Variants in BCOR observed in about 807,000 individuals in gnomAD.
BCOR encodes the protein BCL-6 corepressor.
BCOR carries 10 observed loss-of-function variants against 86.7 expected under a neutral mutation model. The observed-to-expected ratio is 0.12, with a 90% CI of 0.07 to 0.20. The LOEUF is 0.20. BCOR is among the 10% of genes least tolerant of loss of function. The probability of loss-of-function intolerance (pLI) is 1.00; values close to 1 mark genes in which losing one functional copy is unlikely to be tolerated. For missense variants in BCOR, 1,259 were observed against 1,452.1 expected (o/e 0.87, Z 2.16); for synonymous variants, 611 against 609.0 (o/e 1.00, Z -0.05).
At chrX:40,106,236 C>G (rs1006035213) in intron 1 of BCOR, among the ~76,000 whole-genome samples, 2 of 111,299 alleles carry the variant, frequency 1.8e-5, no homozygotes, top group Non-Finnish European at 3.8e-5. Flanking sequence ...GCCCAGGGCC[C>G]GGCCCGGGAA....
rs369829620 is a variant in BCOR, at chrX:40,071,322, C to T, written c.3052-163G>A. 6.2e-5 allele frequency among the ~76,000 whole-genome samples: 7 copies of T among 112,159 alleles called. No individual in the cohort carries two copies. The East Asian group carries it at 1.6e-3, about 26-fold the overall frequency. ...ATATTTTAAAGTTTAACAGATAAAA[C>T]TTAAGAGTATCTATATATAAGTAGT... is the stretch of plus-strand genomic sequence containing the variant. On this transcript the variant is annotated intron_variant, in intron 5 of 14. Transcript: ENST00000378444.
rs376728674 is a variant in BCOR, at chrX:40,072,939, G to A, written c.2407C>T (p.Leu803Phe). 8.3e-7 allele frequency: 1 copy of A among 1,209,842 alleles called. No homozygotes were observed. The highest frequency in any genetic ancestry group is 1.8e-5 in the African/African-American group (1 of 57,119). ...TCTCGGAGAAGGTCTACGTAGACAAGCTTGTCGCTTTTGACAACAGTCTTC... is the reference window on the plus strand; with the variant it reads ...TCTCGGAGAAGGTCTACGTAGACAAACTTGTCGCTTTTGACAACAGTCTTC... ...QGKTVVKSDKLVYVDLLREEP... is the reference protein window; with the variant it reads ...QGKTVVKSDKFVYVDLLREEP... Residue 803 changes from leucine (L) to phenylalanine (F), a missense_variant, in exon 4 of 15, where the codon CTT (leucine) becomes TTT (phenylalanine). Around this residue, in one of 7 missense-constraint regions of BCOR, gnomAD observed 534 missense variants for 594.8 expected, o/e 0.90. Coordinates refer to ENST00000378444, the MANE Select transcript of BCOR (RefSeq NM_001123385.2).
At chrX:40,056,127 C>A (rs1934580151) in intron 11 of BCOR, among the ~76,000 whole-genome samples, 1 of 109,786 alleles carries the variant, frequency 9.1e-6, no homozygotes, top group South Asian at 3.9e-4. Flanking sequence ...GCTGCAAACC[C>A]TATCTTAATC....
chrX:40,176,094 G>A (rs1218183517), intron 1 of BCOR, among the ~76,000 whole-genome samples: 1 of 112,790 alleles, frequency 8.9e-6, no homozygotes, highest in African/African-American at 3.2e-5. Flanking sequence ...AGTAGCGCAC[G>A]CCACTTTGGG....
chrX:40,101,390 G>T (rs999940707), upstream of BCOR, among the ~76,000 whole-genome samples: 9 of 112,660 alleles, frequency 8.0e-5, no homozygotes, highest in Admixed American at 9.3e-5. Context: ...AGGAGTGCAT[G>T]GGAGGGGAGG....
intron 1 of BCOR, among the ~76,000 whole-genome samples, chrX:40,144,726 G>A (rs1938001771): frequency 9.1e-6 from 1 of 110,012 alleles, no homozygotes; most frequent in South Asian, 3.9e-4. Context: ...CTTTGTGACC[G>A]CCCCCCCTCC....
intron 14 of BCOR, 85 bp downstream of exon 14, chrX:40,053,801 C>A: frequency 9.2e-7 from 1 of 1,087,380 alleles, no homozygotes; most frequent in East Asian, 3.1e-5. Context: ...ACCCACCCAC[C>A]CTCATCTGCT....
chrX:40,109,729 G>T (rs1270901723), intron 1 of BCOR, among the ~76,000 whole-genome samples: 1 of 113,119 alleles, frequency 8.8e-6, no homozygotes, highest in Non-Finnish European at 1.9e-5. Context: ...GGAGGGCGTG[G>T]GGGGCGGGGA....
Position 40,063,827 on chromosome X carries a change from G to A in BCOR, c.3628C>T (p.His1210Tyr), listed in dbSNP as rs2147059381. Reference protein sequence around the residue: ...LTGLHPKKQRHLLHLRERWEQ... With the variant: ...LTGLHPKKQRYLLHLRERWEQ... Reference sequence around the variant, plus strand: ...CATCGTTCTCTAAGGTGCAGCAAGTGGCGTTGTTTTTTAGGATGGAGCCCT... The same window carrying A: ...CATCGTTCTCTAAGGTGCAGCAAGTAGCGTTGTTTTTTAGGATGGAGCCCT... The change falls in exon 8 of 15, where the codon CAC (histidine) becomes TAC (tyrosine). Residue 1210 changes from histidine to tyrosine, a missense_variant. Coordinates refer to ENST00000378444, the MANE Select transcript of BCOR (RefSeq NM_001123385.2). The A allele has an allele frequency of 8.3e-7, 1 of 1,211,872 alleles. No individual in the cohort carries two copies. Among genetic ancestry groups the A allele is most frequent in the Non-Finnish European group, 1.1e-6 (1 of 895,521 alleles).
chrX:40,096,846 C>G (rs1276653902), intron 1 of BCOR, among the ~76,000 whole-genome samples: 16 of 110,412 alleles, frequency 1.4e-4, no homozygotes, highest in South Asian at 3.8e-4. Flanking sequence ...CACCTCCCCC[C>G]CCTCCGCCCG....
chrX:40,143,221 T>C (rs1195369399), intron 1 of BCOR, among the ~76,000 whole-genome samples: 1 of 108,382 alleles, frequency 9.2e-6, no homozygotes, highest in Non-Finnish European at 1.9e-5. Context: ...GCTGTGTGTC[T>C]GTGTGTGTGT....
chrX:40,123,318 G>T (rs1937511388), intron 1 of BCOR, among the ~76,000 whole-genome samples: 1 of 109,391 alleles, frequency 9.1e-6, no homozygotes, highest in Non-Finnish European at 1.9e-5. Context: ...GGAGGGGAGG[G>T]TGGTGTATAG....
In BCOR at chrX:40,104,450, G is replaced by A. The variant is rs867766902; in HGVS notation, c.-40-26481C>T. On this transcript the variant is annotated intron_variant, in intron 1 of 14. Coordinates refer to the BCOR transcript ENST00000342274. Reference sequence around the variant, plus strand: ...CAGGAATTTCGCGAAGGGGTTTCCGGAAGACTTTGTCGAGGAAGGTTTTGG... The same window carrying A: ...CAGGAATTTCGCGAAGGGGTTTCCGAAAGACTTTGTCGAGGAAGGTTTTGG... Among the ~76,000 whole-genome samples, 7 of 111,989 alleles carry A rather than the reference G, an allele frequency of 6.3e-5. No individual in the cohort carries two copies. In the South Asian group the frequency reaches 1.1e-3, roughly 18 times the overall value.
In BCOR at chrX:40,110,639, CTTTTCTTTT is replaced by C. The variant is rs1334740556; in HGVS notation, c.-40-32679_-40-32671del. On this transcript the variant is annotated intron_variant, in intron 1 of 14. Transcript: ENST00000342274. ...CTAAGACAATCAACCATTTTCTTTT[CTTTTCTTTT>C]TTTTCTTTTTTCCTTTTTCTTTTTT... 6.6e-4 allele frequency among the ~76,000 whole-genome samples: 29 copies of C among 44,073 alleles called. 1 individual carries two copies. The highest frequency in any genetic ancestry group is 1.7e-3 in the African/African-American group (25 of 14,603). 38.3% of individuals were successfully genotyped at this position (44,073 alleles called of 115,157 possible).
chrX:40,122,762 C>A (rs1256267133), intron 1 of BCOR, among the ~76,000 whole-genome samples: 1 of 111,149 alleles, frequency 9.0e-6, no homozygotes, highest in East Asian at 2.8e-4. Context: ...AATTTAAACT[C>A]CCCGGTCACT....
intron 1 of BCOR, among the ~76,000 whole-genome samples, chrX:40,152,996 C>G (rs927125583): frequency 4.4e-5 from 5 of 112,622 alleles, no homozygotes; most frequent in African/African-American, 6.4e-5. Flanking sequence ...CCCAGGAACC[C>G]GATTCGGCGC....
chrX:40,114,298 G>T (rs942464702), intron 1 of BCOR, among the ~76,000 whole-genome samples: 28 of 111,183 alleles, frequency 2.5e-4, no homozygotes, highest in South Asian at 1.9e-3. Flanking sequence ...AAGGCTGGGG[G>T]AGACACTGTC....
intron 1 of BCOR, among the ~76,000 whole-genome samples, chrX:40,154,386 C>T (rs1397628373): frequency 8.9e-6 from 1 of 112,288 alleles, no homozygotes; most frequent in Non-Finnish European, 1.9e-5. Flanking sequence ...CCTCCCTGCT[C>T]GCTCGCTCTC....
At chrX:40,068,753 A>G (rs1210695448) in intron 6 of BCOR, among the ~76,000 whole-genome samples, 1 of 113,365 alleles carries the variant, frequency 8.8e-6, no homozygotes, top group Non-Finnish European at 1.9e-5. Flanking sequence ...CTCCTAACTC[A>G]TTTGTTCAAT....
Sources: allele counts gnomAD v4.1 joint callset (sites outside exome capture counted in the v4.1 genomes callset), GRCh38; gene constraint gnomAD v4.1.1; regional missense constraint gnomAD v4.1.1; transcripts MANE v1.5; gene names NCBI Gene and HGNC (gene_info 2026-07-23, HGNC 2026-07-21).